Variants in HS6ST3 observed in about 807,000 individuals in gnomAD.
The protein encoded by HS6ST3 is heparan sulfate 6-O-sulfotransferase 3.
In HS6ST3, 12 loss-of-function variants were observed where a neutral mutation model predicts 36.7. The observed-to-expected ratio is 0.33, with a 90% CI of 0.21 to 0.53. HS6ST3 has a LOEUF of 0.53. Ranked by LOEUF, HS6ST3 falls within the 20% of genes least tolerant of loss-of-function variation. The pLI is 0.95. For synonymous variants in HS6ST3, 240 were observed against 257.5 expected (o/e 0.93, Z 0.65); for missense variants, 584 against 640.9 (o/e 0.91, Z 0.96).
intron 1 of HS6ST3, among the ~76,000 whole-genome samples, chr13:96,443,261 T>C (rs1299121054): frequency 6.6e-6 from 1 of 152,046 alleles, no homozygotes; most frequent in Non-Finnish European, 1.5e-5. Context: ...CCGGGTGCGG[T>C]GGCTCACGCC....
At chr13:96,205,725 C>A (rs1038568513) in intron 1 of HS6ST3, among the ~76,000 whole-genome samples, 2 of 152,090 alleles carry the variant, frequency 1.3e-5, no homozygotes, top group Admixed American at 6.6e-5. Context: ...AAGACAAAAA[C>A]CACATGATTA....
rs549460212 is a variant in HS6ST3 at position 96,216,381 on chromosome 13, A to G, written c.707+124812A>G. On this transcript the variant is annotated intron_variant, in intron 1 of 1. Coordinates refer to ENST00000376705, the MANE Select transcript of HS6ST3 (RefSeq NM_153456.4). ...TCATGATTCACTGAGCCGTTGCCTC[A>G]ATGTTGACTACTAAAAGTTTCTTTC... 2.0e-5 allele frequency among the ~76,000 whole-genome samples: 3 copies of G among 152,302 alleles called. No individual in the cohort carries two copies. In the East Asian group the frequency reaches 5.8e-4, roughly 29 times the overall value.
intron 1 of HS6ST3, among the ~76,000 whole-genome samples, chr13:96,655,767 T>TG (rs1282070832): frequency 6.6e-6 from 1 of 152,074 alleles, no homozygotes; most frequent in East Asian, 1.9e-4. Context: ...TCCTGGGAAT[T>TG]GGGTGATGTT....
rs182696587 is a variant in HS6ST3, at chr13:96,482,389, T to C, written c.708-350101T>C. Among the ~76,000 whole-genome samples, 30 of 152,288 alleles carry C rather than the reference T, an allele frequency of 2.0e-4. No homozygotes were observed. The East Asian group carries it at 5.8e-3, about 29-fold the overall frequency. On this transcript the variant is annotated intron_variant, in intron 1 of 1. Transcript: ENST00000376705. ...TCTGCCTCCTTGAAACCAAATAGAATGTATTTTCTGCTCATATGACAATAA... is the reference window on the plus strand; with the variant it reads ...TCTGCCTCCTTGAAACCAAATAGAACGTATTTTCTGCTCATATGACAATAA...
intron 1 of HS6ST3, among the ~76,000 whole-genome samples, chr13:96,688,261 T>C (rs563787198): frequency 8.0e-5 from 12 of 150,834 alleles, no homozygotes; most frequent in Non-Finnish European, 1.0e-4. Flanking sequence ...TCTCTCTGGC[T>C]TCAAATTTGT....
intron 1 of HS6ST3, among the ~76,000 whole-genome samples, chr13:96,411,630 T>C (rs976721470): frequency 6.6e-6 from 1 of 152,086 alleles, no homozygotes; most frequent in African/African-American, 2.4e-5. Context: ...CACACTCAGA[T>C]TTGTGTTTTA....
intron 1 of HS6ST3, among the ~76,000 whole-genome samples, chr13:96,673,821 A>G (rs2056690130): frequency 6.6e-6 from 1 of 152,122 alleles, no homozygotes; most frequent in Non-Finnish European, 1.5e-5. Context: ...TTTCACGACC[A>G]CAGTATTTTT....
intron 1 of HS6ST3, among the ~76,000 whole-genome samples, chr13:96,577,698 T>G (rs764779869): frequency 6.6e-6 from 1 of 152,118 alleles, no homozygotes. Context: ...GAACACACAC[T>G]TCTCAAAAGA....
rs1255437776 is a variant in HS6ST3, at chr13:96,837,465, A to G, written c.*4267A>G. The stretch of plus-strand genomic sequence containing the variant: ...GAGCAAGAAAGTTGCTTAGAGCCCC[A>G]GCCTTTTGACTTCATAGTCTTTCCG... On this transcript the variant is annotated 3_prime_UTR_variant, in exon 2 of 2. Transcript: ENST00000376705. 1.3e-5 allele frequency: 2 copies of G among 152,232 alleles called. No homozygotes were observed. The highest frequency in any genetic ancestry group is 2.9e-5 in the Non-Finnish European group (2 of 68,046). 9.4% of individuals were successfully genotyped at this position (152,232 alleles called of 1,614,324 possible).
At chr13:96,734,966 A>G (rs1876246013) in intron 1 of HS6ST3, among the ~76,000 whole-genome samples, 1 of 152,172 alleles carries the variant, frequency 6.6e-6, no homozygotes. Flanking sequence ...CTTCTAGAAC[A>G]AACTCTGGCA....
intron 1 of HS6ST3, among the ~76,000 whole-genome samples, chr13:96,295,391 G>A (rs1480038963): frequency 1.3e-5 from 2 of 151,990 alleles, no homozygotes; most frequent in African/African-American, 2.4e-5. Flanking sequence ...TGATTTAGAA[G>A]CAGTTGCTGA....
intron 1 of HS6ST3, among the ~76,000 whole-genome samples, chr13:96,724,546 A>G (rs1292543018): frequency 3.3e-5 from 5 of 152,172 alleles, no homozygotes; most frequent in Admixed American, 2.6e-4. Flanking sequence ...ATCCCTATCT[A>G]GCAAACACTC....
chr13:96,270,613 G>GGTATATA (rs71113986), intron 1 of HS6ST3, among the ~76,000 whole-genome samples: 64,681 of 151,078 alleles, frequency 0.43, 14,163 homozygotes, highest in Middle Eastern at 0.51. Flanking sequence ...TAATGCTGAG[G>GGTATATA]GTATATAAAG....
intron 1 of HS6ST3, among the ~76,000 whole-genome samples, chr13:96,117,460 A>G (rs2053899199): frequency 6.6e-6 from 1 of 152,238 alleles, no homozygotes; most frequent in Admixed American, 6.5e-5. Context: ...GAGGAAGAAC[A>G]CATTTTCAGG....
intron 1 of HS6ST3, among the ~76,000 whole-genome samples, chr13:96,823,099 C>T (rs1878570639): frequency 6.6e-6 from 1 of 152,238 alleles, no homozygotes; most frequent in Non-Finnish European, 1.5e-5. Flanking sequence ...CCTCTTGGCT[C>T]CCAGGCAGCC....
intron 1 of HS6ST3, among the ~76,000 whole-genome samples, chr13:96,388,229 A>C (rs941263189): frequency 2.8e-4 from 42 of 152,334 alleles, no homozygotes; most frequent in Non-Finnish European, 5.9e-4. Flanking sequence ...AATCAAAACA[A>C]CCTTACTGAG....
rs2056444557 is a variant in HS6ST3 at position 96,607,881 on chromosome 13, AATTTTAT to A, written c.708-224608_708-224602del. Among the ~76,000 whole-genome samples the A allele has an allele frequency of 2.6e-5, 4 of 152,190 alleles. No homozygotes were observed. The South Asian group carries it at 8.3e-4, about 32-fold the overall frequency. On this transcript the variant is annotated intron_variant, in intron 1 of 1. Transcript: ENST00000376705. Reference sequence around the variant, plus strand: ...CATCAAAGCGAGTAACCTCAAGAGAAATTTTATTTTTAAATGCGTACTTCCCAGTTCT... The same window carrying A: ...CATCAAAGCGAGTAACCTCAAGAGAATTTTAAATGCGTACTTCCCAGTTCT...
At chr13:96,368,860 T>G (rs541520192) in intron 1 of HS6ST3, among the ~76,000 whole-genome samples, 9 of 152,288 alleles carry the variant, frequency 5.9e-5, no homozygotes, top group Admixed American at 1.3e-4. Context: ...CACATGCCGA[T>G]GTTTATTATA....
At chr13:96,664,561 C>T (rs2056657294) in intron 1 of HS6ST3, among the ~76,000 whole-genome samples, 1 of 152,166 alleles carries the variant, frequency 6.6e-6, no homozygotes, top group Non-Finnish European at 1.5e-5. Flanking sequence ...ATACTCTACA[C>T]TCAGGTCTTC....
Sources: gnomAD v4.1 joint callset for allele counts (sites outside exome capture counted in the v4.1 genomes callset) on GRCh38, gnomAD v4.1.1 for gene constraint, MANE v1.5 for transcripts, NCBI Gene and HGNC (gene_info 2026-07-23, HGNC 2026-07-21) for gene names.